KDM4C: variants seen among roughly 807,000 people sequenced by gnomAD.
The protein encoded by KDM4C is lysine demethylase 4C, also known as lysine-specific demethylase 4C.
In KDM4C, 81 loss-of-function variants were observed where a neutral mutation model predicts 129.3. That is an observed-to-expected ratio of 0.63 (90% CI 0.52 to 0.75). The LOEUF is 0.75. Among genes scored for constraint, KDM4C ranks in the 30% least tolerant of loss-of-function variants. The probability of loss-of-function intolerance (pLI) is 0.00; values close to 1 mark genes in which losing one functional copy is unlikely to be tolerated. For missense variants in KDM4C, 1,457 were observed against 1,304.0 expected (o/e 1.12, Z -1.81); for synonymous variants, 573 against 456.1 (o/e 1.26, Z -3.26).
chr9:6,752,630 A>G (rs1818110765), intron 1 of KDM4C, among the ~76,000 whole-genome samples: 1 of 151,782 alleles, frequency 6.6e-6, no homozygotes, highest in Non-Finnish European at 1.5e-5. Context: ...GGCTGATCTC[A>G]AACTCCTGAC....
chr9:6,838,930 CT>C (rs1836387492), intron 4 of KDM4C, among the ~76,000 whole-genome samples: 1 of 152,092 alleles, frequency 6.6e-6, no homozygotes, highest in African/African-American at 2.4e-5. Flanking sequence ...GCACTGTTTT[CT>C]TTTATGGAGA....
chr9:6,796,825 T>G (rs1039662207), intron 2 of KDM4C, among the ~76,000 whole-genome samples: 1 of 152,216 alleles, frequency 6.6e-6, no homozygotes, highest in African/African-American at 2.4e-5. Flanking sequence ...AGCTCAGTTT[T>G]ACTTACTTTC....
At chr9:6,997,031 A>T (rs1471836873) in intron 12 of KDM4C, among the ~76,000 whole-genome samples, 1 of 151,996 alleles carries the variant, frequency 6.6e-6, no homozygotes, top group African/African-American at 2.4e-5. Flanking sequence ...CATGCCTACA[A>T]ATGAGGGTCA....
chr9:7,081,941 T>C (rs998160626), intron 17 of KDM4C, among the ~76,000 whole-genome samples: 5 of 152,166 alleles, frequency 3.3e-5, no homozygotes, highest in African/African-American at 9.7e-5. Context: ...CCCAGAGAGC[T>C]AGTTGCCGGC....
chr9:6,723,730 C>G (rs992991250), intron 1 of KDM4C: 5 of 151,988 alleles, frequency 3.3e-5, no homozygotes, highest in African/African-American at 1.2e-4. Flanking sequence ...AAGGAAAGGA[C>G]TGCATGTTTC....
intron 19 of KDM4C, among the ~76,000 whole-genome samples, chr9:7,141,853 C>T (rs1022270254): frequency 1.3e-5 from 2 of 151,424 alleles, no homozygotes; most frequent in Middle Eastern, 3.2e-3. Context: ...AGTGAAAAGT[C>T]CCATGCCTCA....
intron 19 of KDM4C, among the ~76,000 whole-genome samples, chr9:7,149,552 C>T (rs569235218): frequency 8.3e-4 from 127 of 152,348 alleles, no homozygotes; most frequent in African/African-American, 3.0e-3. Context: ...GCCATGCCTC[C>T]CTCGCTGCAG....
At chr9:6,797,479 T>G (rs1271355911) in intron 2 of KDM4C, among the ~76,000 whole-genome samples, 1 of 146,358 alleles carries the variant, frequency 6.8e-6, no homozygotes, top group Non-Finnish European at 1.5e-5. Context: ...ACACTTTGAC[T>G]GTCTACAAAG....
At chr9:6,834,460 A>G in intron 4 of KDM4C, 3 of 521,260 alleles carry the variant, frequency 5.8e-6, no homozygotes, top group Non-Finnish European at 1.1e-5. Flanking sequence ...CTCACCATAG[A>G]TGATGATATT....
At chr9:7,032,519 C>T (rs1826947966) in intron 15 of KDM4C, among the ~76,000 whole-genome samples, 2 of 152,198 alleles carry the variant, frequency 1.3e-5, no homozygotes, top group South Asian at 4.1e-4. Context: ...TATGGATTTT[C>T]ATGTAAGCTA....
At chr9:6,949,504 G>A (rs1162593095) in intron 8 of KDM4C, among the ~76,000 whole-genome samples, 1 of 152,198 alleles carries the variant, frequency 6.6e-6, no homozygotes, top group Non-Finnish European at 1.5e-5. Context: ...GGGAGGTGGA[G>A]GTTGTAGCGA....
chr9:6,874,392 T>C (rs796275084), intron 5 of KDM4C, among the ~76,000 whole-genome samples: 3 of 152,294 alleles, frequency 2.0e-5, no homozygotes, highest in African/African-American at 7.2e-5. Flanking sequence ...TTAAAGGGCT[T>C]TTTACCTCCT....
At chr9:7,124,085 C>G (rs532911716) in intron 18 of KDM4C, among the ~76,000 whole-genome samples, 3 of 152,254 alleles carry the variant, frequency 2.0e-5, no homozygotes, top group South Asian at 2.1e-4. Context: ...CATAGCACCC[C>G]TTTGATTTAG....
At chr9:6,919,223 C>CTTTCTTTCTTTCTTTCTTTCTT (rs532687391) in intron 8 of KDM4C, among the ~76,000 whole-genome samples, 3 of 108,914 alleles carry the variant, frequency 2.8e-5, no homozygotes, top group African/African-American at 9.2e-5. Flanking sequence ...TTTCTTTTTC[C>CTTTCTTTCTTTCTTTCTTTCTT]TTCTTTCTTT....
At chr9:6,744,026 G>T (rs1817793746) in intron 1 of KDM4C, among the ~76,000 whole-genome samples, 1 of 145,846 alleles carries the variant, frequency 6.9e-6, no homozygotes, top group Non-Finnish European at 1.5e-5. Flanking sequence ...GGGATTACAG[G>T]TGTGAGACAC....
At chr9:6,907,916 CAT>C (rs1217702532) in intron 8 of KDM4C, among the ~76,000 whole-genome samples, 1 of 152,138 alleles carries the variant, frequency 6.6e-6, no homozygotes, top group East Asian at 1.9e-4. Flanking sequence ...TAAATATTAA[CAT>C]ATTAAATTTT....
chr9:7,033,738 T>A (rs1387422092), intron 15 of KDM4C, among the ~76,000 whole-genome samples: 3 of 152,208 alleles, frequency 2.0e-5, no homozygotes, highest in Non-Finnish European at 4.4e-5. Context: ...ATAAATAGCT[T>A]CTTGATTGAG....
rs559177395 is a variant in KDM4C at position 6,807,281 on chromosome 9, T to G, written c.320+1507T>G. ...CCTTGGCCTCCCAAAGTGCCGAGAT[T>G]GCAGCCTCTGCCCAGCCGCCAACCC... On this transcript the variant is annotated intron_variant, in intron 3 of 21. Transcript: ENST00000381309. 7.1e-3 allele frequency among the ~76,000 whole-genome samples: 1,076 copies of G among 151,992 alleles called. 18 individuals carry two copies. The highest frequency in any genetic ancestry group is 0.025 in the African/African-American group (1,021 of 41,304).
intron 2 of KDM4C, among the ~76,000 whole-genome samples, chr9:6,800,061 A>C (rs979590755): frequency 3.4e-5 from 5 of 148,582 alleles, no homozygotes; most frequent in Non-Finnish European, 7.5e-5. Context: ...CATCTTTTCC[A>C]AAAAAAAAAT....
Sources: allele counts gnomAD v4.1 joint callset (sites outside exome capture counted in the v4.1 genomes callset), GRCh38; gene constraint gnomAD v4.1.1; transcripts MANE v1.5; gene names NCBI Gene and HGNC (gene_info 2026-07-23, HGNC 2026-07-21).